MAD1L1: variants seen among roughly 807,000 people sequenced by gnomAD.
MAD1L1 encodes mitotic spindle assembly checkpoint protein MAD1.
A neutral mutation model predicts 96.9 loss-of-function variants in MAD1L1; 95 were observed. The ratio of observed to expected loss-of-function variants is 0.98; its 90% CI spans 0.83 to 1.16. The LOEUF (loss-of-function observed/expected upper bound fraction) is 1.16, where lower values mean the gene tolerates loss of function less well. MAD1L1 is among the 50% of genes most tolerant of loss of function. MAD1L1 has a pLI of 0.00. For missense variants in MAD1L1, 1,007 were observed against 954.4 expected, an observed-to-expected ratio of 1.06 and a Z score of -0.73; for synonymous variants, 473 against 396.6, an observed-to-expected ratio of 1.19 and a Z score of -2.29.
chr7:1,926,206 T>C (rs1426574546), intron 17 of MAD1L1, among the ~76,000 whole-genome samples: 1 of 152,150 alleles, frequency 6.6e-6, no homozygotes, highest in Non-Finnish European at 1.5e-5. Context: ...ACCTACATTC[T>C]ACCAACATTC....
At chr7:2,173,260 T>A (rs981326125) in intron 10 of MAD1L1, among the ~76,000 whole-genome samples, 2 of 152,172 alleles carry the variant, frequency 1.3e-5, no homozygotes, top group African/African-American at 2.4e-5. Context: ...CTGTGACTTC[T>A]CAGGATGGAA....
chr7:2,004,683 G>T (rs943359775), intron 13 of MAD1L1, among the ~76,000 whole-genome samples: 3 of 152,340 alleles, frequency 2.0e-5, no homozygotes, highest in African/African-American at 7.2e-5. Context: ...CCGGCGCCAC[G>T]CGGGCAGGCT....
At chr7:1,883,977 C>G (rs1279128013) in intron 18 of MAD1L1, among the ~76,000 whole-genome samples, 2 of 152,210 alleles carry the variant, frequency 1.3e-5, no homozygotes, top group Non-Finnish European at 2.9e-5. Context: ...GAGGAGGAAC[C>G]GCAGGCCCCG....
chr7:1,949,779 T>A (rs1377887677), intron 16 of MAD1L1, among the ~76,000 whole-genome samples: 1 of 152,230 alleles, frequency 6.6e-6, no homozygotes, highest in Non-Finnish European at 1.5e-5. Flanking sequence ...ACCTCCATCG[T>A]GCCATGTCCA....
chr7:1,956,091 C>A (rs956729602), intron 16 of MAD1L1, among the ~76,000 whole-genome samples: 1 of 152,086 alleles, frequency 6.6e-6, no homozygotes, highest in African/African-American at 2.4e-5. Flanking sequence ...GTGACCTAAG[C>A]CGGTTCAAGG....
Position 2,103,120 on chromosome 7 carries a change from C to A in MAD1L1, c.1074-33782G>T, listed in dbSNP as rs998524621. Among the ~76,000 whole-genome samples the A allele has an allele frequency of 1.3e-5, 2 of 152,288 alleles. No individual in the cohort carries two copies. Among genetic ancestry groups the A allele is most frequent in the Admixed American group, 6.5e-5 (1 of 15,308 alleles). ...GTCCTCTCCCACCTCAGGGCCCCTG[C>A]GCTTGCTGCTGCCTCTGCCTGGAAC... On this transcript the variant is annotated intron_variant, in intron 11 of 18. Transcript: ENST00000265854. The surrounding 1 kb of genome is among the most constrained non-coding windows in gnomAD (Gnocchi z 4.3).
chr7:2,177,750 T>C (rs2128598954), intron 10 of MAD1L1, among the ~76,000 whole-genome samples: 1 of 152,324 alleles, frequency 6.6e-6, no homozygotes, highest in Non-Finnish European at 1.5e-5. Flanking sequence ...TTGTCATCTG[T>C]GAAAAGTTTC....
At chr7:1,976,409 G>A (rs183565022) in intron 15 of MAD1L1, among the ~76,000 whole-genome samples, 75 of 152,324 alleles carry the variant, frequency 4.9e-4, no homozygotes, top group Admixed American at 9.1e-4. Context: ...CATGGTGAGT[G>A]TTACAGCTCT....
intron 14 of MAD1L1, among the ~76,000 whole-genome samples, chr7:1,992,361 A>G (rs1216228653): frequency 6.6e-6 from 1 of 152,254 alleles, no homozygotes; most frequent in Non-Finnish European, 1.5e-5. Context: ...CCTCCTCAAT[A>G]GGAGCAGTTG....
intron 10 of MAD1L1, among the ~76,000 whole-genome samples, chr7:2,162,630 A>T (rs561573837): frequency 6.6e-6 from 1 of 151,520 alleles, no homozygotes; most frequent in Non-Finnish European, 1.5e-5. Flanking sequence ...TAAAGGGGTA[A>T]ATGATATCTT....
chr7:2,159,592 T>C (rs1196282294), intron 10 of MAD1L1, among the ~76,000 whole-genome samples: 1 of 152,248 alleles, frequency 6.6e-6, no homozygotes, highest in Admixed American at 6.5e-5. Flanking sequence ...GTTCTGTTTT[T>C]TTCCACTGGC....
intron 16 of MAD1L1, 145 bp from the exon 17 acceptor site, chr7:1,937,042 C>G (rs1271589811): frequency 1.0e-5 from 7 of 674,166 alleles, no homozygotes; most frequent in Admixed American, 2.9e-5. Flanking sequence ...TCTTCTTGAG[C>G]CTGCCTGGCA....
intron 18 of MAD1L1, among the ~76,000 whole-genome samples, chr7:1,816,749 G>C (rs1403659870): frequency 6.6e-6 from 1 of 152,088 alleles, no homozygotes; most frequent in African/African-American, 2.4e-5. Context: ...GCAAGGAGGA[G>C]CTTCCAGACA....
At chr7:1,906,025 G>GGGT (rs1417984987) in intron 17 of MAD1L1, among the ~76,000 whole-genome samples, 1 of 146,534 alleles carries the variant, frequency 6.8e-6, no homozygotes, top group African/African-American at 2.5e-5. Flanking sequence ...ACTCCACGCT[G>GGGT]GGTGACACAG....
chr7:1,941,516 G>C (rs1454698101), intron 16 of MAD1L1, among the ~76,000 whole-genome samples: 3 of 152,236 alleles, frequency 2.0e-5, no homozygotes, highest in African/African-American at 7.2e-5. Flanking sequence ...GCCCCCAACA[G>C]TGCAGCGCCC....
At chr7:1,899,761 G>A (rs575441509) in intron 17 of MAD1L1, among the ~76,000 whole-genome samples, 18 of 152,276 alleles carry the variant, frequency 1.2e-4, no homozygotes, top group East Asian at 5.8e-4. Context: ...AGGGGCTGCC[G>A]GGGAGTTTGT....
intron 11 of MAD1L1, among the ~76,000 whole-genome samples, chr7:2,102,391 CCAT>C (rs1322360248): frequency 6.6e-6 from 1 of 151,600 alleles, no homozygotes; most frequent in African/African-American, 2.4e-5. Flanking sequence ...ATCACCACCA[CCAT>C]CACTAGCACT....
rs574489729 is a variant in MAD1L1 at position 1,939,001 on chromosome 7, A to G, written c.1597-2104T>C. Among the ~76,000 whole-genome samples, 695 of 117,418 alleles carry G rather than the reference A, an allele frequency of 5.9e-3. 4 individuals are homozygous for G. Among genetic ancestry groups the G allele is most frequent in the African/African-American group, 0.017 (571 of 32,988 alleles). 77.0% of individuals were successfully genotyped at this position (117,418 alleles called of 152,430 possible). On this transcript the variant is annotated intron_variant, in intron 16 of 18. Transcript: ENST00000265854. Reference sequence around the variant, plus strand: ...CGGGACCAGAGGCGCACACACACGCACACACACACACACACACACACATGG... The same window carrying G: ...CGGGACCAGAGGCGCACACACACGCGCACACACACACACACACACACATGG...
intron 18 of MAD1L1, among the ~76,000 whole-genome samples, chr7:1,839,363 G>A (rs13233528): frequency 4.4e-4 from 31 of 70,846 alleles, no homozygotes; most frequent in East Asian, 3.0e-3. Flanking sequence ...GCAGGAAAGC[G>A]TCCTGCCCCC....
Sources: gnomAD v4.1 joint callset for allele counts (sites outside exome capture counted in the v4.1 genomes callset) on GRCh38, gnomAD v4.1.1 for gene constraint, Gnocchi (gnomAD v3.1) non-coding constraint, MANE v1.5 for transcripts, NCBI Gene and HGNC (gene_info 2026-07-23, HGNC 2026-07-21) for gene names.